The following GPR176 variants were observed in gnomAD, a reference collection of about 807,000 sequenced individuals.
The protein encoded by GPR176 is G protein-coupled receptor 176.
GPR176 carries 26 observed loss-of-function variants against 35.4 expected under a neutral mutation model. The observed-to-expected ratio is 0.74, with a 90% confidence interval of 0.54 to 1.02. The LOEUF is 1.02. Ranked by LOEUF, GPR176 falls within the 50% of genes least tolerant of loss-of-function variation. The pLI is 0.00. For synonymous variants in GPR176, 278 were observed against 271.3 expected (o/e 1.02, Z -0.24); for missense variants, 597 against 665.3 (o/e 0.90, Z 1.13).
intron 1 of GPR176, among the ~76,000 whole-genome samples, chr15:39,879,746 C>T (rs2032400028): frequency 2.6e-5 from 4 of 152,310 alleles, no homozygotes; most frequent in Admixed American, 2.6e-4. Context: ...TAAGGTCATC[C>T]TATTCCTCAC....
chr15:39,871,728 C>T (rs576712892), intron 1 of GPR176, among the ~76,000 whole-genome samples: 45 of 152,164 alleles, frequency 3.0e-4, no homozygotes, highest in Non-Finnish European at 5.7e-4. Flanking sequence ...AGTATCTGCA[C>T]GAACTTTTCC....
chr15:39,920,202 G>A lies in GPR176; in HGVS notation c.-176C>T, dbSNP rs1027292322. The A allele has an allele frequency of 8.0e-5, 33 of 414,082 alleles. No individual in the cohort carries two copies. Among genetic ancestry groups the A allele is most frequent in the Non-Finnish European group, 1.3e-4 (30 of 237,880 alleles). The allele number at this position is 414,082 out of a possible 1,614,324, so 25.7% of individuals were successfully genotyped here. On this transcript the variant is annotated 5_prime_UTR_variant, in exon 1 of 3. Coordinates refer to ENST00000561100, the MANE Select transcript of GPR176 (RefSeq NM_007223.3). ...CCAACCCCGGCGCCCGGGAGGCGGG[G>A]AGGGAGGGAGGCGCGGCTGCGCCCC...
chr15:39,919,747 C>T lies in GPR176; in HGVS notation c.172+108G>A, dbSNP rs1326565939. 4 of 840,982 alleles carry T rather than the reference C, an allele frequency of 4.8e-6. No individual in the cohort carries two copies. In the East Asian group the frequency reaches 1.3e-4, roughly 28 times the overall value. The allele number at this position is 840,982 out of a possible 1,614,324, so 52.1% of individuals were successfully genotyped here. A position where few individuals can be genotyped will look rare whatever the true frequency, so the allele number is the denominator to read the frequency against. On this transcript the variant is annotated intron_variant, in intron 1 of 2. Transcript: ENST00000561100. The stretch of plus-strand genomic sequence containing the variant: ...CTTAAGCTTCCTTCAACTCTCTGCA[C>T]TTTGCCAGGCACCCGAAACCCACGG...
At chr15:39,840,497 G>A (rs900221293) in intron 1 of GPR176, among the ~76,000 whole-genome samples, 1 of 152,132 alleles carries the variant, frequency 6.6e-6, no homozygotes, top group African/African-American at 2.4e-5. Flanking sequence ...TGGGGGTAGC[G>A]GGGAGGGATA....
At chr15:39,856,680 G>A (rs528059146) in intron 1 of GPR176, among the ~76,000 whole-genome samples, 7 of 152,212 alleles carry the variant, frequency 4.6e-5, no homozygotes, top group Non-Finnish European at 7.3e-5. Flanking sequence ...ATGCCGCAAT[G>A]TCTTTTAAGA....
chr15:39,899,833 T>C (rs1174547347), intron 1 of GPR176, among the ~76,000 whole-genome samples: 1 of 151,996 alleles, frequency 6.6e-6, no homozygotes, highest in Non-Finnish European at 1.5e-5. Flanking sequence ...TGGGTGAGAG[T>C]TCTATTGAAT....
chr15:39,875,643 A>G (rs987133295), intron 1 of GPR176, among the ~76,000 whole-genome samples: 3 of 152,232 alleles, frequency 2.0e-5, no homozygotes, highest in Admixed American at 1.3e-4. Context: ...GAGCTTGGTC[A>G]AATCCTGACT....
At chr15:39,893,792 A>C (rs1595512380) in intron 1 of GPR176, among the ~76,000 whole-genome samples, 1 of 90,522 alleles carries the variant, frequency 1.1e-5, no homozygotes, top group African/African-American at 4.4e-5. Context: ...TGACCCCCCC[A>C]CCTCCCTCCC....
chr15:39,886,716 A>C (rs1022086316), intron 1 of GPR176, among the ~76,000 whole-genome samples: 3 of 152,224 alleles, frequency 2.0e-5, no homozygotes, highest in African/African-American at 2.4e-5. Context: ...CATTAGGAGA[A>C]TTAAACTGTA....
chr15:39,863,134 A>G (rs186492464), intron 1 of GPR176, among the ~76,000 whole-genome samples: 5 of 149,854 alleles, frequency 3.3e-5, no homozygotes, highest in East Asian at 3.9e-4. Context: ...ATCTCGGCTC[A>G]CTGCAAGCTC....
At chr15:39,841,868 CTTT>C (rs2030017897) in intron 1 of GPR176, among the ~76,000 whole-genome samples, 1 of 152,086 alleles carries the variant, frequency 6.6e-6, no homozygotes, top group South Asian at 2.1e-4. Context: ...ATTACAATGG[CTTT>C]TTTGTCTCCA....
intron 1 of GPR176, among the ~76,000 whole-genome samples, chr15:39,821,176 C>T (rs757911335): frequency 6.6e-6 from 1 of 152,046 alleles, no homozygotes; most frequent in Non-Finnish European, 1.5e-5. Context: ...TGTAATTTTC[C>T]TGCTGGTTCA....
intron 1 of GPR176, among the ~76,000 whole-genome samples, chr15:39,831,888 T>C (rs1254979190): frequency 6.6e-6 from 1 of 152,030 alleles, no homozygotes; most frequent in African/African-American, 2.4e-5. Flanking sequence ...ACTTCCCTTA[T>C]CACTCTCAGT....
intron 1 of GPR176, among the ~76,000 whole-genome samples, chr15:39,863,178 A>G (rs1242718557): frequency 1.3e-5 from 2 of 150,768 alleles, no homozygotes; most frequent in Non-Finnish European, 2.9e-5. Flanking sequence ...TCCTGGGTTC[A>G]TGCCATTCTC....
At chr15:39,856,336 T>A (rs1012159010) in intron 1 of GPR176, among the ~76,000 whole-genome samples, 2 of 152,264 alleles carry the variant, frequency 1.3e-5, no homozygotes, top group Non-Finnish European at 2.9e-5. Flanking sequence ...ACAAATATAA[T>A]CTTTAGACAG....
At chr15:39,884,147 G>A (rs1338322044) in intron 1 of GPR176, among the ~76,000 whole-genome samples, 5 of 152,208 alleles carry the variant, frequency 3.3e-5, no homozygotes, top group African/African-American at 4.8e-5. Context: ...CAAACAAGGG[G>A]TCACACTAAC....
chr15:39,811,915 CAAAA>C (rs1423143703), intron 1 of GPR176, among the ~76,000 whole-genome samples: 1 of 75,614 alleles, frequency 1.3e-5, no homozygotes, highest in Non-Finnish European at 2.8e-5. Flanking sequence ...GACTCCGTCT[CAAAA>C]AAAAAAAAAA....
At chr15:39,838,240 T>G (rs1319154368) in intron 1 of GPR176, among the ~76,000 whole-genome samples, 1 of 152,148 alleles carries the variant, frequency 6.6e-6, no homozygotes, top group Non-Finnish European at 1.5e-5. Context: ...CTAAGTAATC[T>G]GACCTTTTCC....
intron 1 of GPR176, chr15:39,894,661 T>G (rs1046631861): frequency 1.7e-5 from 3 of 171,658 alleles, no homozygotes; most frequent in Admixed American, 1.3e-4. Context: ...CTAGATGTGA[T>G]GGCGGCCGGG....
Sources: allele counts gnomAD v4.1 joint callset (sites outside exome capture counted in the v4.1 genomes callset), GRCh38; gene constraint gnomAD v4.1.1; transcripts MANE v1.5; gene names NCBI Gene and HGNC (gene_info 2026-07-23, HGNC 2026-07-21).